The following FCHSD2 variants were observed in gnomAD, a reference collection of about 807,000 sequenced individuals.
The protein encoded by FCHSD2 is F-BAR and double SH3 domains protein 2.
A neutral mutation model predicts 108.1 loss-of-function variants in FCHSD2; 38 were observed. That is an observed-to-expected ratio of 0.35 (90% CI 0.27 to 0.46). The LOEUF is 0.46. Ranked by LOEUF, FCHSD2 falls within the 20% of genes least tolerant of loss-of-function variation. The probability of loss-of-function intolerance (pLI) is 1.00; values close to 1 mark genes in which losing one functional copy is unlikely to be tolerated. For synonymous variants in FCHSD2, 279 were observed against 314.7 expected, an observed-to-expected ratio of 0.89 and a Z score of 1.20; for missense variants, 751 against 897.8, an observed-to-expected ratio of 0.84 and a Z score of 2.09.
chr11:72,854,600 T>C (rs1332879717), intron 13 of FCHSD2, among the ~76,000 whole-genome samples: 1 of 152,164 alleles, frequency 6.6e-6, no homozygotes, highest in African/African-American at 2.4e-5. Context: ...CCCAGTTTAT[T>C]CAGTCTTAAA....
At chr11:72,842,315 T>C (rs1363674785) in intron 17 of FCHSD2, among the ~76,000 whole-genome samples, 2 of 152,206 alleles carry the variant, frequency 1.3e-5, no homozygotes, top group Admixed American at 1.3e-4. Context: ...CCTTCCCTCT[T>C]CGGTTTGTTT....
chr11:73,136,965 T>C (rs980242240), intron 2 of FCHSD2, among the ~76,000 whole-genome samples: 1 of 151,798 alleles, frequency 6.6e-6, no homozygotes, highest in Non-Finnish European at 1.5e-5. Context: ...GAGGCGGAGG[T>C]TGCAGTAAGC....
intron 8 of FCHSD2, chr11:72,940,833 T>C (rs1028013602): frequency 2.2e-6 from 2 of 904,220 alleles, no homozygotes; most frequent in African/African-American, 3.2e-5. Flanking sequence ...ACTGTGGGGC[T>C]CTTAGAGTCC....
intron 8 of FCHSD2, among the ~76,000 whole-genome samples, chr11:72,944,847 T>C (rs1052680746): frequency 1.3e-5 from 2 of 152,128 alleles, no homozygotes; most frequent in Non-Finnish European, 2.9e-5. Context: ...TTACAAGGGA[T>C]GTGAAGGACC....
intron 2 of FCHSD2, among the ~76,000 whole-genome samples, chr11:73,114,141 A>G (rs958701216): frequency 6.6e-6 from 1 of 151,938 alleles, no homozygotes; most frequent in African/African-American, 2.4e-5. Flanking sequence ...CACTCAAACT[A>G]TAAGACAAAA....
At chr11:73,004,232 C>A (rs778627765) in intron 4 of FCHSD2, among the ~76,000 whole-genome samples, 18 of 151,298 alleles carry the variant, frequency 1.2e-4, no homozygotes, top group African/African-American at 3.4e-4. Flanking sequence ...TAATCCTCAT[C>A]GTAATTCTGT....
rs1273781772 is a variant in FCHSD2 at position 72,838,870 on chromosome 11, C to T, written c.2144G>A (p.Arg715Gln). The change falls in exon 20 of 20, where the codon CGG (arginine) becomes CAG (glutamine). Residue 715 changes from arginine to glutamine, a missense_variant. Physicochemically the swap from Arg to Gln is conservative, Grantham distance 43 (BLOSUM62 1). Transcript: ENST00000409418. ...ETSYGKLRPV[R>Q]AAPPPPTQNH... ...CTGTGTAGGTGGAGGGGGAGCTGCC[C>T]GGACCTGAGCAGGAAACAATTACGT... is the stretch of plus-strand genomic sequence containing the variant. The T allele has an allele frequency of 2.5e-6, 4 of 1,600,630 alleles. No homozygotes were observed. Among genetic ancestry groups the T allele is most frequent in the African/African-American group, 2.7e-5 (2 of 72,942 alleles).
At chr11:72,985,477 T>A (rs1293157805) in intron 6 of FCHSD2, among the ~76,000 whole-genome samples, 1 of 152,114 alleles carries the variant, frequency 6.6e-6, no homozygotes, top group East Asian at 1.9e-4. Context: ...TACACTTTAG[T>A]TCCTGCAAAG....
chr11:73,046,765 T>C (rs1041422623), intron 3 of FCHSD2, among the ~76,000 whole-genome samples: 2 of 152,146 alleles, frequency 1.3e-5, no homozygotes, highest in Non-Finnish European at 2.9e-5. Flanking sequence ...ATTGATTGAT[T>C]AAGACAGGGA....
chr11:73,001,533 G>A (rs181759893), intron 4 of FCHSD2, among the ~76,000 whole-genome samples: 2 of 152,306 alleles, frequency 1.3e-5, no homozygotes, highest in Admixed American at 1.3e-4. Context: ...GGCCCAGAGA[G>A]ATTTTAGAGT....
At chr11:72,947,990 T>C (rs1856550231) in intron 8 of FCHSD2, among the ~76,000 whole-genome samples, 2 of 152,312 alleles carry the variant, frequency 1.3e-5, no homozygotes, top group African/African-American at 2.4e-5. Context: ...TTGGGTATCA[T>C]ACATTTTTTG....
intron 8 of FCHSD2, among the ~76,000 whole-genome samples, chr11:72,927,586 T>C (rs986633228): frequency 6.6e-6 from 1 of 152,134 alleles, no homozygotes; most frequent in Non-Finnish European, 1.5e-5. Flanking sequence ...GTAACACAAA[T>C]TGTTGGGCCC....
chr11:72,918,575 A>G (rs1329676669), intron 9 of FCHSD2, among the ~76,000 whole-genome samples: 2 of 152,214 alleles, frequency 1.3e-5, no homozygotes, highest in Non-Finnish European at 2.9e-5. Flanking sequence ...ATCACAAAAA[A>G]GTACTGAATT....
At chr11:72,842,530 A>G (rs1320888525) in intron 17 of FCHSD2, 91 bp downstream of exon 17, 1 of 1,507,522 alleles carries the variant, frequency 6.6e-7, no homozygotes, top group East Asian at 2.3e-5. Context: ...TAAGGCAGAG[A>G]CTGCAGCCCA....
At chr11:72,997,224 C>A (rs900930083) in intron 5 of FCHSD2, among the ~76,000 whole-genome samples, 2 of 152,084 alleles carry the variant, frequency 1.3e-5, no homozygotes, top group Non-Finnish European at 2.9e-5. Context: ...GTTGAGAAGA[C>A]AAAGGTTAGA....
chr11:73,109,693 T>C (rs1183419785), intron 2 of FCHSD2, among the ~76,000 whole-genome samples: 1 of 152,186 alleles, frequency 6.6e-6, no homozygotes, highest in African/African-American at 2.4e-5. Context: ...TGCTCTTTCT[T>C]TCTCTTGTCT....
At chr11:72,840,099 C>T (rs568342491) in intron 19 of FCHSD2, among the ~76,000 whole-genome samples, 5 of 152,324 alleles carry the variant, frequency 3.3e-5, no homozygotes, top group South Asian at 2.1e-4. Flanking sequence ...GCCTCCTAAT[C>T]GCTCCCTATA....
At chr11:73,073,693 AAAATTATT>A (rs1859484229) in intron 3 of FCHSD2, among the ~76,000 whole-genome samples, 1 of 152,240 alleles carries the variant, frequency 6.6e-6, no homozygotes, top group Non-Finnish European at 1.5e-5. Flanking sequence ...ATAATTCTAT[AAAATTATT>A]CTTTTTCTAT....
rs542463124 is a variant in FCHSD2, at chr11:72,906,273, G to A, written c.829-3635C>T. Among the ~76,000 whole-genome samples the A allele has an allele frequency of 1.3e-3, 192 of 152,100 alleles. 1 individual carries two copies. Among genetic ancestry groups the A allele is most frequent in the African/African-American group, 4.1e-3 (172 of 41,502 alleles). ...TATCCTTTGCCCACTTTTTGATGGC[G>A]TTGTTTTTTTCTTGTAAATTTGTTT... On this transcript the variant is annotated intron_variant, in intron 9 of 19. Coordinates refer to ENST00000409418, the MANE Select transcript of FCHSD2 (RefSeq NM_014824.3).
Sources: allele counts gnomAD v4.1 joint callset (sites outside exome capture counted in the v4.1 genomes callset), GRCh38; gene constraint gnomAD v4.1.1; transcripts MANE v1.5; gene names NCBI Gene and HGNC (gene_info 2026-07-23, HGNC 2026-07-21).